Variants in CEP126 observed in about 807,000 individuals in gnomAD.
CEP126 encodes the protein centrosomal protein of 126 kDa.
CEP126 carries 74 observed loss-of-function variants against 107.8 expected under a neutral mutation model. The ratio of observed to expected loss-of-function variants is 0.69; its 90% CI spans 0.57 to 0.83. The LOEUF (loss-of-function observed/expected upper bound fraction) is 0.83, where lower values mean the gene tolerates loss of function less well. Among genes scored for constraint, CEP126 ranks in the 40% least tolerant of loss-of-function variants. The pLI is 0.00. For missense variants in CEP126, 1,237 were observed against 1,281.9 expected (o/e 0.96, Z 0.53); for synonymous variants, 449 against 446.0 (o/e 1.01, Z -0.08).
rs1055691751 is a variant in CEP126 at position 101,997,819 on chromosome 11, A to G, written c.*176A>G. 1 of 799,596 alleles carries G rather than the reference A, an allele frequency of 1.3e-6. No homozygotes were observed. The highest frequency in any genetic ancestry group is 1.7e-5 in the African/African-American group (1 of 57,850). 49.5% of individuals were successfully genotyped at this position (799,596 alleles called of 1,614,324 possible). A position where few individuals can be genotyped will look rare whatever the true frequency, so the allele number is the denominator to read the frequency against. ...ACAGAGCAGTGACATTTAACAAAGC[A>G]GTGAAGTTTAACAGAGTTCTGAGAA... is the stretch of plus-strand genomic sequence containing the variant. On this transcript the variant is annotated 3_prime_UTR_variant, in exon 11 of 11. Transcript: ENST00000263468.
chr11:101,924,625 C>T (rs984090325), intron 2 of CEP126, among the ~76,000 whole-genome samples: 3 of 152,076 alleles, frequency 2.0e-5, no homozygotes, highest in African/African-American at 7.2e-5. Flanking sequence ...ACCCCCGTGC[C>T]CGGCTAATTT....
At chr11:101,920,897 C>T (rs1352705575) in intron 1 of CEP126, among the ~76,000 whole-genome samples, 4 of 152,054 alleles carry the variant, frequency 2.6e-5, no homozygotes, top group Non-Finnish European at 4.4e-5. Context: ...TGAGCCACTG[C>T]GCCCAGCCAA....
intron 4 of CEP126, among the ~76,000 whole-genome samples, chr11:101,957,669 G>A (rs1940916994): frequency 6.6e-6 from 1 of 151,970 alleles, no homozygotes. Context: ...AGTTAAATAG[G>A]GAGGAAATTC....
At position 101,997,678 on chromosome 11, in the gene CEP126, T is replaced by A; in HGVS notation, c.*35T>A. ...AATCCGTCTAAGAAGACCTTTCATGTACTTCCCTAGGACTAGATGCATACC... is the reference window on the plus strand; with the variant it reads ...AATCCGTCTAAGAAGACCTTTCATGAACTTCCCTAGGACTAGATGCATACC... On this transcript the variant is annotated 3_prime_UTR_variant, in exon 11 of 11. Transcript: ENST00000263468. 1.9e-6 allele frequency: 3 copies of A among 1,613,518 alleles called. No homozygotes were observed. The highest frequency in any genetic ancestry group is 2.5e-6 in the Non-Finnish European group (3 of 1,179,670).
At chr11:101,951,585 C>A (rs2137102070) in intron 4 of CEP126, among the ~76,000 whole-genome samples, 1 of 150,966 alleles carries the variant, frequency 6.6e-6, no homozygotes, top group Non-Finnish European at 1.5e-5. Flanking sequence ...AGAAGAGCAA[C>A]AAGAATTGGA....
chr11:101,945,890 G>C (rs1371805952), intron 3 of CEP126, among the ~76,000 whole-genome samples: 1 of 152,080 alleles, frequency 6.6e-6, no homozygotes, highest in Non-Finnish European at 1.5e-5. Context: ...TAACTATATA[G>C]GGTCTGTTAC....
chr11:101,987,010 G>C lies in CEP126; in HGVS notation c.3213G>C (p.Glu1071Asp). 1 of 1,612,692 alleles carries C rather than the reference G, an allele frequency of 6.2e-7. No homozygotes were observed. Among genetic ancestry groups the C allele is most frequent in the Non-Finnish European group, 8.5e-7 (1 of 1,179,036 alleles). The change falls in exon 9 of 11, where the codon GAG (glutamate) becomes GAC (aspartate). Residue 1071 changes from glutamate (E) to aspartate (D), a missense_variant. Coordinates refer to ENST00000263468, the MANE Select transcript of CEP126 (RefSeq NM_020802.4). ...CAGCTGAAGAACAGAAGATCCTAGA[G>C]TCCCTTAATGATCTCAGTGAAAGAC... is the stretch of plus-strand genomic sequence containing the variant. ...TLSAEEQKIL[E>D]SLNDLSERLH... is the part of the protein sequence containing the mutation.
intron 6 of CEP126, among the ~76,000 whole-genome samples, chr11:101,975,397 A>G (rs1465497915): frequency 2.0e-5 from 3 of 152,194 alleles, no homozygotes; most frequent in African/African-American, 4.8e-5. Context: ...TGCAAAATAT[A>G]TTTATTTCTG....
intron 2 of CEP126, among the ~76,000 whole-genome samples, chr11:101,923,274 G>T (rs2137079345): frequency 6.6e-6 from 1 of 152,250 alleles, no homozygotes; most frequent in Non-Finnish European, 1.5e-5. Context: ...AGTAGAAGTG[G>T]TAGAAATGTT....
At position 101,958,373 on chromosome 11, in the gene CEP126, A is replaced by C. The variant is rs770239021; in HGVS notation, c.705+7A>C. 4 of 1,609,324 alleles carry C rather than the reference A, an allele frequency of 2.5e-6. No individual in the cohort carries two copies. The Admixed American group carries it at 6.7e-5, about 27-fold the overall frequency. On this transcript the variant is annotated splice_region_variant and intron_variant, in intron 5 of 10. Transcript: ENST00000263468. Reference sequence around the variant, plus strand: ...ACATCTAAGCAATTTGCAAGTATGAAACTATAAAAATGTTGTTAATATTTT... The same window carrying C: ...ACATCTAAGCAATTTGCAAGTATGACACTATAAAAATGTTGTTAATATTTT...
intron 2 of CEP126, among the ~76,000 whole-genome samples, chr11:101,927,093 G>C (rs2137082278): frequency 6.6e-6 from 1 of 152,292 alleles, no homozygotes; most frequent in East Asian, 1.9e-4. Flanking sequence ...CTTGAGGTCA[G>C]GAGTTCAAGA....
Position 101,958,247 on chromosome 11 carries a change from T to A in CEP126, c.586T>A (p.Cys196Ser). 6.2e-7 allele frequency: 1 copy of A among 1,613,970 alleles called. No individual in the cohort carries two copies. Among genetic ancestry groups the A allele is most frequent in the East Asian group, 2.2e-5 (1 of 44,850 alleles). The change falls in exon 5 of 11, where the codon TGT becomes AGT. Residue 196 changes from cysteine (C) to serine (S), a missense_variant. Physicochemically the swap from Cys to Ser is moderately radical, Grantham distance 112 (BLOSUM62 -1). This residue lies in a region of CEP126 where 1,134 missense variants were observed against 1,150.5 expected (regional missense o/e 0.99). Transcript: ENST00000263468. Reference sequence around the variant, plus strand: ...GAAACAACTCTTATCCAAAATCAATTGTGAGAAAGAAATGAATGAAAACAT... The same window carrying A: ...GAAACAACTCTTATCCAAAATCAATAGTGAGAAAGAAATGAATGAAAACAT... ...HQKQLLSKIN[C>S]EKEMNENMRA...
At chr11:101,991,519 G>A (rs1396779022) in intron 9 of CEP126, among the ~76,000 whole-genome samples, 2 of 152,140 alleles carry the variant, frequency 1.3e-5, no homozygotes, top group African/African-American at 4.8e-5. Flanking sequence ...GGTTATGGTG[G>A]GAAAGATGAA....
At chr11:101,956,037 C>T (rs567305211) in intron 4 of CEP126, 51 of 456,590 alleles carry the variant, frequency 1.1e-4, no homozygotes, top group South Asian at 6.7e-4. Context: ...CCTCCAACCC[C>T]GGCTACTTCC....
chr11:101,994,919 G>T (rs1326845660), intron 10 of CEP126, among the ~76,000 whole-genome samples: 3 of 150,256 alleles, frequency 2.0e-5, no homozygotes, highest in African/African-American at 4.9e-5. Flanking sequence ...TACATGTGCA[G>T]AACATGCAGG....
rs551152310 is a variant in CEP126 at position 101,966,404 on chromosome 11, T to C, written c.2845+2524T>C. On this transcript the variant is annotated intron_variant, in intron 6 of 10. Coordinates refer to ENST00000263468, the MANE Select transcript of CEP126 (RefSeq NM_020802.4). ...GCAGTTCATTTTATTTTTATACCCT[T>C]ATGCATCCAGAGTTGACGATTGTGG... is the stretch of plus-strand genomic sequence containing the variant. Among the ~76,000 whole-genome samples the C allele has an allele frequency of 7.2e-5, 11 of 152,288 alleles. No homozygotes were observed. In the South Asian group the frequency reaches 2.1e-3, roughly 29 times the overall value.
At chr11:101,991,585 A>G (rs906449469) in intron 9 of CEP126, among the ~76,000 whole-genome samples, 1 of 152,230 alleles carries the variant, frequency 6.6e-6, no homozygotes, top group African/African-American at 2.4e-5. Flanking sequence ...CAGCAGAGAA[A>G]TGAAAACTCT....
In CEP126 at chr11:101,961,838, T is replaced by C. The variant is rs1239250690; in HGVS notation, c.803T>C (p.Leu268Pro). 7.4e-6 allele frequency: 12 copies of C among 1,611,200 alleles called. No homozygotes were observed. The highest frequency in any genetic ancestry group is 2.2e-5 in the East Asian group (1 of 44,848). The change falls in exon 6 of 11, where the codon CTT (leucine) becomes CCT (proline). Residue 268 changes from leucine (L) to proline (P), a missense_variant. Around this residue, in one of 3 missense-constraint regions of CEP126, gnomAD observed 1,134 missense variants for 1,150.5 expected, o/e 0.99. Transcript: ENST00000263468. ...ATEHEEIYLT[L>P]NKEHSTSIQR... The stretch of plus-strand genomic sequence containing the variant: ...GAGCATGAAGAAATATATTTAACAC[T>C]TAATAAGGAGCATTCCACATCCATC...
intron 2 of CEP126, among the ~76,000 whole-genome samples, chr11:101,936,978 T>G (rs1010113220): frequency 6.6e-6 from 1 of 152,182 alleles, no homozygotes; most frequent in East Asian, 1.9e-4. Context: ...ACTAGAAGTG[T>G]TGTGGATTTT....
Sources: gnomAD v4.1 joint callset for allele counts (sites outside exome capture counted in the v4.1 genomes callset) on GRCh38, gnomAD v4.1.1 for gene constraint, gnomAD v4.1.1 regional missense constraint, MANE v1.5 for transcripts, NCBI Gene and HGNC (gene_info 2026-07-23, HGNC 2026-07-21) for gene names.